ALLC: variants seen among roughly 807,000 people sequenced by gnomAD.
ALLC encodes allantoicase, also known as probable inactive allantoicase.
A neutral mutation model predicts 45.0 loss-of-function variants in ALLC; 40 were observed. That is an observed-to-expected ratio of 0.89 (90% CI 0.69 to 1.16). The LOEUF (loss-of-function observed/expected upper bound fraction) is 1.16, where lower values mean the gene tolerates loss of function less well. Ranked by LOEUF, ALLC falls within the 50% of genes most tolerant of loss-of-function variation. The pLI is 0.00. For missense variants in ALLC, 488 were observed against 493.1 expected (o/e 0.99, Z 0.10); for synonymous variants, 176 against 178.1 (o/e 0.99, Z 0.09).
chr2:3,683,686 G>A (rs1321531258), intron 7 of ALLC, among the ~76,000 whole-genome samples: 1 of 152,138 alleles, frequency 6.6e-6, no homozygotes, highest in Non-Finnish European at 1.5e-5. Context: ...TTAGTATAAT[G>A]TTTTCAAGAT....
upstream of ALLC, among the ~76,000 whole-genome samples, chr2:3,656,928 C>T (rs1666456405): frequency 6.6e-6 from 1 of 152,036 alleles, no homozygotes; most frequent in Admixed American, 6.6e-5. Flanking sequence ...AAAAATAGGC[C>T]CTTCTGTTCT....
At position 3,700,516 on chromosome 2, in the gene ALLC, C is replaced by A. The variant is rs1667797762; in HGVS notation, c.851-996C>A. On this transcript the variant is annotated intron_variant, in intron 10 of 11. Transcript: ENST00000252505. ...AACAGTAAATCCACTTAAGCAGACACCCAAAACTGCAACAGGTCATGAATC... is the reference window on the plus strand; with the variant it reads ...AACAGTAAATCCACTTAAGCAGACAACCAAAACTGCAACAGGTCATGAATC... Among the ~76,000 whole-genome samples, 2 of 152,106 alleles carry A rather than the reference C, an allele frequency of 1.3e-5. 1 individual carries two copies. Among genetic ancestry groups the A allele is most frequent in the African/African-American group, 4.8e-5 (2 of 41,396 alleles).
At chr2:3,699,695 C>T (rs554241201) in intron 10 of ALLC, among the ~76,000 whole-genome samples, 4 of 152,248 alleles carry the variant, frequency 2.6e-5, no homozygotes, top group Admixed American at 2.6e-4. Context: ...AACAGCCATT[C>T]TGACTGGGAG....
rs140456668 is a variant in ALLC at position 3,699,666 on chromosome 2, T to C, written c.851-1846T>C. On this transcript the variant is annotated intron_variant, in intron 10 of 11. Transcript: ENST00000252505. ...TCTCCACAACCTTGTCAACAACTGT[T>C]ATTTTTTGATTTTTTCATAACAGCC... Among the ~76,000 whole-genome samples, 84 of 152,328 alleles carry C rather than the reference T, an allele frequency of 5.5e-4. 1 individual carries two copies. Among genetic ancestry groups the C allele is most frequent in the African/African-American group, 1.9e-3 (78 of 41,582 alleles).
chr2:3,653,792 A>G (rs538542288), upstream of ALLC, among the ~76,000 whole-genome samples: 1 of 152,142 alleles, frequency 6.6e-6, no homozygotes, highest in African/African-American at 2.4e-5. The surrounding 1 kb of genome is among the most constrained non-coding windows in gnomAD (Gnocchi z 4.1). Context: ...GCCTATTCCA[A>G]CATGTCCTGT....
At chr2:3,687,945 C>G (rs1667374092) in intron 7 of ALLC, 1 of 151,792 alleles carries the variant, frequency 6.6e-6, no homozygotes, top group Non-Finnish European at 1.5e-5. Context: ...GAGAACCTCT[C>G]TAATCTTCTT....
intron 2 of ALLC, among the ~76,000 whole-genome samples, chr2:3,673,074 T>TGGGGGGGGGGGGGGGGGGGGAC (rs1666936166): frequency 6.7e-6 from 1 of 148,468 alleles, no homozygotes; most frequent in Non-Finnish European, 1.5e-5. Flanking sequence ...GGGGTGGGGA[T>TGGGGGGGGGGGGGGGGGGGGAC]GGGCCAGCTG....
the ALLC span, among the ~76,000 whole-genome samples, chr2:3,650,363 C>T: frequency 6.6e-6 from 1 of 152,350 alleles, no homozygotes; most frequent in South Asian, 2.1e-4. Flanking sequence ...TGTGGCCGGC[C>T]ACCGGGCTGA....
intron 7 of ALLC, among the ~76,000 whole-genome samples, chr2:3,692,232 T>G (rs1406517361): frequency 2.0e-5 from 3 of 152,210 alleles, no homozygotes; most frequent in Non-Finnish European, 4.4e-5. Flanking sequence ...TCTGGGTTGT[T>G]TCAGTTTTTG....
chr2:3,648,256 G>T, the ALLC span, among the ~76,000 whole-genome samples: 4 of 152,192 alleles, frequency 2.6e-5, no homozygotes, highest in Admixed American at 1.3e-4. Context: ...TCATTATGTG[G>T]AGTGGCTTCT....
At chr2:3,675,219 C>G (rs775094274) in intron 3 of ALLC, among the ~76,000 whole-genome samples, 4 of 151,976 alleles carry the variant, frequency 2.6e-5, no homozygotes, top group Admixed American at 6.6e-5. Flanking sequence ...GAGCAAGACC[C>G]CATTTCTGAA....
Position 3,702,535 on chromosome 2 carries a change from T to G in ALLC, c.1148T>G (p.Phe383Cys), listed in dbSNP as rs991831428. ...LRPREKPMLK[F>C]SVSFKANP ...CCCCGGGAGAAGCCCATGTTGAAGT[T>G]CTCGGTGAGCTTCAAAGCAAACCCT... Residue 383 changes from phenylalanine to cysteine, a missense_variant, in exon 12 of 12, where the codon TTC becomes TGC. Coordinates refer to ENST00000252505, the MANE Select transcript of ALLC (RefSeq NM_018436.4). The G allele has an allele frequency of 6.3e-7, 1 of 1,599,612 alleles. No individual in the cohort carries two copies. Among genetic ancestry groups the G allele is most frequent in the African/African-American group, 1.4e-5 (1 of 73,972 alleles).
In ALLC at chr2:3,702,615, T is replaced by C; in HGVS notation, c.*52T>C. On this transcript the variant is annotated 3_prime_UTR_variant, in exon 12 of 12. Transcript: ENST00000252505. ...CACAGCAGTAATTTCCCAGTCATAG[T>C]CTTCTTTTCAAATGTTTTGAACACC... 6.8e-7 allele frequency: 1 copy of C among 1,479,556 alleles called. No homozygotes were observed. The highest frequency in any genetic ancestry group is 9.0e-7 in the Non-Finnish European group (1 of 1,112,190). The allele number at this position is 1,479,556 out of a possible 1,614,324, so 91.7% of individuals were successfully genotyped here.
intron 10 of ALLC, among the ~76,000 whole-genome samples, chr2:3,697,790 C>T (rs1025034709): frequency 5.3e-5 from 8 of 151,698 alleles, no homozygotes; most frequent in Non-Finnish European, 1.0e-4. Flanking sequence ...CTCAGCCTCC[C>T]GAGTAGCTGG....
In ALLC at chr2:3,697,594, C is replaced by G. The variant is rs144637543; in HGVS notation, c.850+138C>G. 1.8e-4 allele frequency: 111 copies of G among 619,854 alleles called. 1 individual carries two copies. The highest frequency in any genetic ancestry group is 1.8e-3 in the African/African-American group (93 of 52,546). 38.4% of individuals were successfully genotyped at this position (619,854 alleles called of 1,614,324 possible). A position where few individuals can be genotyped will look rare whatever the true frequency, so the allele number is the denominator to read the frequency against. On this transcript the variant is annotated intron_variant, in intron 10 of 11. Coordinates refer to ENST00000252505, the MANE Select transcript of ALLC (RefSeq NM_018436.4). ...AAGCTGTGTAATTTTGAGCATGCTA[C>G]TTTAACCCTTAGAACTCTGTCTGTC...
intron 1 of ALLC, among the ~76,000 whole-genome samples, chr2:3,670,362 G>T (rs1458377100): frequency 6.6e-6 from 1 of 152,232 alleles, no homozygotes; most frequent in African/African-American, 2.4e-5. Flanking sequence ...AGAGAAAAGG[G>T]CTAGGAACAG....
chr2:3,658,549 C>T (rs962910408), intron 1 of ALLC, among the ~76,000 whole-genome samples: 1 of 151,376 alleles, frequency 6.6e-6, no homozygotes, highest in African/African-American at 2.4e-5. Context: ...GGTTTCAAAT[C>T]ATGTGACTTT....
chr2:3,657,242 G>A (rs1014195630), upstream of ALLC, among the ~76,000 whole-genome samples: 5 of 152,166 alleles, frequency 3.3e-5, no homozygotes, highest in Admixed American at 1.3e-4. Flanking sequence ...TGGGGTTGGG[G>A]GTGGGGTTCT....
chr2:3,671,023 G>A (rs1666854279), intron 1 of ALLC, 73 bp from the exon 2 acceptor site: 9 of 827,970 alleles, frequency 1.1e-5, no homozygotes, highest in South Asian at 3.2e-5. Context: ...AAATCTTAGC[G>A]TCAGGAGCCT....
Sources: allele counts gnomAD v4.1 joint callset (sites outside exome capture counted in the v4.1 genomes callset), GRCh38; gene constraint gnomAD v4.1.1; non-coding constraint Gnocchi (gnomAD v3.1); transcripts MANE v1.5; gene names NCBI Gene and HGNC (gene_info 2026-07-23, HGNC 2026-07-21).